The following MSN variants were observed in gnomAD, a reference collection of about 807,000 sequenced individuals.
MSN encodes the protein moesin.
In MSN, 2 loss-of-function variants were observed where a neutral mutation model predicts 48.0. The observed-to-expected ratio is 0.04, with a 90% CI of 0.02 to 0.13. MSN has a LOEUF of 0.13. Ranked by LOEUF, MSN falls within the 10% of genes least tolerant of loss-of-function variation. The pLI is 1.00. For missense variants in MSN, 267 were observed against 470.1 expected, an observed-to-expected ratio of 0.57 and a Z score of 3.99; for synonymous variants, 146 against 166.9, an observed-to-expected ratio of 0.87 and a Z score of 0.97.
At chrX:65,629,031 C>T (rs1042862156) in intron 1 of MSN, among the ~76,000 whole-genome samples, 2 of 106,634 alleles carry the variant, frequency 1.9e-5, no homozygotes, top group Non-Finnish European at 3.9e-5. Context: ...GATCATGCCA[C>T]TGCACTCCAG....
At chrX:65,622,532 T>C (rs1228958750) in intron 1 of MSN, among the ~76,000 whole-genome samples, 2 of 98,101 alleles carry the variant, frequency 2.0e-5, no homozygotes, top group South Asian at 4.6e-4. Flanking sequence ...TTTTTTTTTT[T>C]CTGAGACGGA....
At chrX:65,611,753 T>C (rs761781481) in intron 1 of MSN, among the ~76,000 whole-genome samples, 81 of 111,161 alleles carry the variant, frequency 7.3e-4, no homozygotes, top group African/African-American at 2.6e-3. Context: ...CCAGATCACA[T>C]GGTAATTTGG....
intron 1 of MSN, among the ~76,000 whole-genome samples, chrX:65,711,954 G>A (rs1187557674): frequency 2.7e-5 from 3 of 111,531 alleles, no homozygotes; most frequent in African/African-American, 9.8e-5. Flanking sequence ...TTTGAGTTGA[G>A]AATGAAGTCT....
At chrX:65,713,163 C>A (rs2071430668) in intron 1 of MSN, among the ~76,000 whole-genome samples, 1 of 111,766 alleles carries the variant, frequency 8.9e-6, no homozygotes, top group Admixed American at 9.5e-5. Context: ...AGGACTAAAT[C>A]TCTAATTATG....
intron 1 of MSN, among the ~76,000 whole-genome samples, chrX:65,659,145 C>CCTTTTTT (rs1259649142): frequency 2.8e-5 from 3 of 107,404 alleles, no homozygotes; most frequent in Non-Finnish European, 5.8e-5. Flanking sequence ...TGCCTGGCTA[C>CCTTTTTT]CTTTTTTCTT....
At chrX:65,738,668 A>G (rs1263568167) in intron 11 of MSN, 51 bp downstream of exon 11, 6 of 1,075,124 alleles carry the variant, frequency 5.6e-6, no homozygotes, top group Non-Finnish European at 7.7e-6. Flanking sequence ...TGCCATATGC[A>G]TAGGTAACAG....
At chrX:65,707,470 T>G (rs1437869146) in intron 1 of MSN, among the ~76,000 whole-genome samples, 1 of 111,949 alleles carries the variant, frequency 8.9e-6, no homozygotes, top group African/African-American at 3.2e-5. Context: ...ACACAGTCTT[T>G]AACCTCATGC....
At chrX:65,610,607 T>C (rs1041432291) in intron 1 of MSN, among the ~76,000 whole-genome samples, 1 of 112,119 alleles carries the variant, frequency 8.9e-6, no homozygotes, top group African/African-American at 3.3e-5. Flanking sequence ...TTAAATTCTT[T>C]TGGGTGTATA....
chrX:65,675,507 A>G (rs2070988760), intron 1 of MSN, among the ~76,000 whole-genome samples: 1 of 111,564 alleles, frequency 9.0e-6, no homozygotes, highest in Admixed American at 9.6e-5. Flanking sequence ...GACTGATTCA[A>G]GGGGAGCCAC....
intron 2 of MSN, among the ~76,000 whole-genome samples, chrX:65,720,159 G>A (rs1039110133): frequency 8.9e-6 from 1 of 112,050 alleles, no homozygotes; most frequent in African/African-American, 3.2e-5. Context: ...TTCCTGGCTA[G>A]GCGCTTTAAT....
intron 1 of MSN, among the ~76,000 whole-genome samples, chrX:65,700,238 A>G (rs1421783267): frequency 8.9e-6 from 1 of 112,061 alleles, no homozygotes. Context: ...TGAGGTAGGC[A>G]TTATTACTCC....
chrX:65,691,122 T>A (rs1452809301), intron 1 of MSN, among the ~76,000 whole-genome samples: 1 of 111,566 alleles, frequency 9.0e-6, no homozygotes, highest in Non-Finnish European at 1.9e-5. Flanking sequence ...GTGGATATAG[T>A]ACACACTTCA....
chrX:65,588,602 A>C (rs2070117052), exon 1 of MSN: 3 of 799,531 alleles, frequency 3.8e-6, no homozygotes, highest in Non-Finnish European at 4.5e-6. Flanking sequence ...TGGACCATGC[A>C]AAACAACCAA....
chrX:65,612,859 T>C (rs1264476699), intron 1 of MSN, among the ~76,000 whole-genome samples: 4 of 107,253 alleles, frequency 3.7e-5, no homozygotes, highest in East Asian at 2.8e-4. Context: ...TGGTGTTTTT[T>C]TTTTTTGGGG....
chrX:65,667,975 A>G, intron 1 of MSN, 122 bp downstream of exon 1: 1 of 813,095 alleles, frequency 1.2e-6, no homozygotes, highest in Non-Finnish European at 1.8e-6. Flanking sequence ...CCTCCGCCAT[A>G]GCCAAGGGTA....
At chrX:65,600,697 C>A (rs1157201206) in intron 1 of MSN, 2 of 111,566 alleles carry the variant, frequency 1.8e-5, no homozygotes, top group East Asian at 5.6e-4. Flanking sequence ...AACTGGGAAT[C>A]TTTTTTGCAA....
chrX:65,615,744 C>A (rs2070364829), intron 1 of MSN, among the ~76,000 whole-genome samples: 1 of 110,086 alleles, frequency 9.1e-6, no homozygotes. Flanking sequence ...CTTTTGTTGC[C>A]ATTGCTTTTG....
chrX:65,661,690 T>G (rs1283869327), intron 1 of MSN, among the ~76,000 whole-genome samples: 1 of 111,858 alleles, frequency 8.9e-6, no homozygotes, highest in Non-Finnish European at 1.9e-5. Context: ...GTAGAACTGG[T>G]ACCAGTTTTT....
intron 1 of MSN, among the ~76,000 whole-genome samples, chrX:65,615,773 C>T (rs764098076): frequency 1.8e-5 from 2 of 111,119 alleles, no homozygotes; most frequent in Non-Finnish European, 3.8e-5. Flanking sequence ...GACATGAAGT[C>T]CATGCCCATG....
Sources: allele counts gnomAD v4.1 joint callset (sites outside exome capture counted in the v4.1 genomes callset), GRCh38; gene constraint gnomAD v4.1.1; transcripts MANE v1.5; gene names NCBI Gene and HGNC (gene_info 2026-07-23, HGNC 2026-07-21).